Variants in CPNE4 observed in about 807,000 individuals in gnomAD.
CPNE4 encodes copine 4.
Under a neutral mutation model 67.9 loss-of-function variants are expected in CPNE4, and 25 were observed. The observed-to-expected ratio is 0.37, with a 90% CI of 0.27 to 0.51. The LOEUF is 0.51. Among genes scored for constraint, CPNE4 ranks in the 20% least tolerant of loss-of-function variants. The pLI, the probability that CPNE4 is intolerant of heterozygous loss-of-function variation, is 0.93. For missense variants in CPNE4, 464 were observed against 690.8 expected (o/e 0.67, Z 3.68); for synonymous variants, 242 against 244.9 (o/e 0.99, Z 0.11).
intron 3 of CPNE4, among the ~76,000 whole-genome samples, chr3:131,700,691 G>T (rs949628714): frequency 3.3e-5 from 5 of 152,170 alleles, no homozygotes; most frequent in African/African-American, 7.2e-5. Context: ...GGAGAAAAGG[G>T]CTAAAAGGTC....
intron 1 of CPNE4, among the ~76,000 whole-genome samples, chr3:131,977,640 G>A (rs914542287): frequency 6.6e-6 from 1 of 151,892 alleles, no homozygotes; most frequent in Non-Finnish European, 1.5e-5. Flanking sequence ...TCTCCTCTAT[G>A]CGGTTCTTTT....
At position 131,607,378 on chromosome 3, in the gene CPNE4, C is replaced by T. The variant is rs147074662; in HGVS notation, c.682-19796G>A. 4.1e-3 allele frequency among the ~76,000 whole-genome samples: 621 copies of T among 152,144 alleles called. 3 individuals are homozygous for T. Among genetic ancestry groups the T allele is most frequent in the Non-Finnish European group, 7.5e-3 (511 of 67,998 alleles). On this transcript the variant is annotated intron_variant, in intron 7 of 15. Coordinates refer to ENST00000429747, the MANE Select transcript of CPNE4 (RefSeq NM_130808.3). ...TGGACAGACCAATAGATTTATTTGT[C>T]TTTGGAGAGATAAAACAGATCTTCT...
At chr3:131,719,918 A>T (rs1004299034) in intron 3 of CPNE4, among the ~76,000 whole-genome samples, 2 of 152,232 alleles carry the variant, frequency 1.3e-5, no homozygotes, top group African/African-American at 2.4e-5. Context: ...CCTCTAAACC[A>T]AACTCTTGCA....
At chr3:131,600,123 T>C (rs997961376) in intron 7 of CPNE4, among the ~76,000 whole-genome samples, 2 of 152,104 alleles carry the variant, frequency 1.3e-5, no homozygotes, top group African/African-American at 2.4e-5. Context: ...ATAGATGGCA[T>C]TGATATTCAC....
intron 2 of CPNE4, among the ~76,000 whole-genome samples, chr3:131,726,286 G>A (rs2081997555): frequency 6.6e-6 from 1 of 152,136 alleles, no homozygotes; most frequent in Admixed American, 6.5e-5. Context: ...AGTTCATGTT[G>A]GCATCAAGCC....
chr3:131,620,524 A>G, intron 7 of CPNE4: 2 of 930,400 alleles, frequency 2.1e-6, no homozygotes, highest in Non-Finnish European at 2.6e-6. Context: ...TGGTTCCTCA[A>G]GTATGTCCAT....
chr3:131,609,484 CT>C (rs756712205), intron 7 of CPNE4, among the ~76,000 whole-genome samples: 2 of 152,100 alleles, frequency 1.3e-5, no homozygotes, highest in Non-Finnish European at 2.9e-5. Context: ...AGACTTTAGG[CT>C]TTAGAAGAAG....
chr3:131,948,076 T>C (rs2071612786), intron 1 of CPNE4, among the ~76,000 whole-genome samples: 1 of 152,216 alleles, frequency 6.6e-6, no homozygotes, highest in Admixed American at 6.5e-5. Flanking sequence ...TGTTTTATTG[T>C]TTTCAATGTA....
At chr3:131,696,750 C>T in intron 4 of CPNE4, 134 bp from the exon 5 acceptor site, 1 of 731,228 alleles carries the variant, frequency 1.4e-6, no homozygotes, top group Non-Finnish European at 2.4e-6. Context: ...TTCCACAACC[C>T]TAGTGACTAC....
At chr3:131,891,839 T>A (rs779461757) in intron 2 of CPNE4, among the ~76,000 whole-genome samples, 2 of 152,132 alleles carry the variant, frequency 1.3e-5, no homozygotes, top group Admixed American at 1.3e-4. Flanking sequence ...GGCATTTGAT[T>A]ACATGGCTTA....
chr3:131,954,426 C>A (rs2071874367), intron 1 of CPNE4, among the ~76,000 whole-genome samples: 1 of 152,124 alleles, frequency 6.6e-6, no homozygotes, highest in South Asian at 2.1e-4. Context: ...ATAAATTTAT[C>A]TTAAATTCAG....
At chr3:131,963,434 G>A (rs1196636873) in intron 1 of CPNE4, among the ~76,000 whole-genome samples, 1 of 152,012 alleles carries the variant, frequency 6.6e-6, no homozygotes, top group Non-Finnish European at 1.5e-5. Context: ...AGGGAGCCAA[G>A]TGGTCTCACT....
intron 6 of CPNE4, among the ~76,000 whole-genome samples, chr3:131,670,572 C>T (rs757962114): frequency 6.6e-6 from 1 of 151,970 alleles, no homozygotes; most frequent in Non-Finnish European, 1.5e-5. Flanking sequence ...GCAGGGATTC[C>T]CAAAGTGTGG....
At chr3:131,719,798 G>C (rs763650784) in intron 3 of CPNE4, among the ~76,000 whole-genome samples, 16 of 152,204 alleles carry the variant, frequency 1.1e-4, no homozygotes, top group Non-Finnish European at 2.2e-4. Flanking sequence ...TGGCTGTAGT[G>C]GTTCCAGGAA....
intron 9 of CPNE4, among the ~76,000 whole-genome samples, chr3:131,575,791 G>C (rs1180007176): frequency 1.3e-5 from 2 of 152,060 alleles, no homozygotes; most frequent in African/African-American, 4.8e-5. Flanking sequence ...GTAGAGTTGA[G>C]ACTCAAATGA....
At chr3:131,725,458 T>C (rs2081979753) in intron 2 of CPNE4, among the ~76,000 whole-genome samples, 1 of 152,228 alleles carries the variant, frequency 6.6e-6, no homozygotes, top group South Asian at 2.1e-4. Context: ...CAAGTTACTG[T>C]TCTGACCAAA....
upstream of CPNE4, chr3:132,035,584 G>A (rs1445149706): frequency 6.6e-6 from 1 of 152,138 alleles, no homozygotes; most frequent in African/African-American, 2.4e-5. Flanking sequence ...CTTAAAGATA[G>A]ATATAAATAT....
intron 2 of CPNE4, among the ~76,000 whole-genome samples, chr3:131,868,878 T>A (rs547286812): frequency 1.3e-5 from 2 of 152,244 alleles, no homozygotes; most frequent in East Asian, 3.9e-4. Context: ...GACCGTCTCT[T>A]TAGAATTGAG....
At chr3:132,019,961 C>T (rs1490907814) in intron 1 of CPNE4, among the ~76,000 whole-genome samples, 1 of 152,178 alleles carries the variant, frequency 6.6e-6, no homozygotes. Flanking sequence ...TCATTAAGGA[C>T]ATTCTCACCA....
Sources: allele counts gnomAD v4.1 joint callset (sites outside exome capture counted in the v4.1 genomes callset), GRCh38; gene constraint gnomAD v4.1.1; transcripts MANE v1.5; gene names NCBI Gene and HGNC (gene_info 2026-07-23, HGNC 2026-07-21).